SCARB1: variants seen among roughly 807,000 people sequenced by gnomAD.
SCARB1 encodes CD36 and LIMPII analogous 1.
A neutral mutation model predicts 57.2 loss-of-function variants in SCARB1; 30 were observed. The observed-to-expected ratio is 0.52, with a 90% CI of 0.39 to 0.71. SCARB1 has a LOEUF of 0.71. Ranked by LOEUF, SCARB1 falls within the 30% of genes least tolerant of loss-of-function variation. The probability of loss-of-function intolerance (pLI) is 0.00; values close to 1 mark genes in which losing one functional copy is unlikely to be tolerated. For missense variants in SCARB1, 543 were observed against 671.2 expected (o/e 0.81, Z 2.11); for synonymous variants, 249 against 268.3 (o/e 0.93, Z 0.70).
At chr12:124,815,620 C>T (rs569230232) in intron 2 of SCARB1, among the ~76,000 whole-genome samples, 1 of 152,218 alleles carries the variant, frequency 6.6e-6, no homozygotes, top group East Asian at 1.9e-4. Context: ...AAACCCAGCA[C>T]TTTGGGAGGC....
At chr12:124,863,534 G>A (rs907965123) in intron 1 of SCARB1, 61 bp downstream of exon 1, 2 of 1,557,062 alleles carry the variant, frequency 1.3e-6, no homozygotes, top group African/African-American at 1.4e-5. Flanking sequence ...GGGTCCTCCC[G>A]GCGCCCAGCG....
intron 9 of SCARB1, among the ~76,000 whole-genome samples, chr12:124,791,002 C>CT (rs2135558896): frequency 6.6e-6 from 1 of 152,366 alleles, no homozygotes. Flanking sequence ...AGCTTGCCTT[C>CT]TAAGGGTCTG....
chr12:124,811,870 C>T lies in SCARB1; in HGVS notation c.726G>A (p.Lys242=). ...GGGGCCCTCGCCTCTCGCCCCTCAC[C>T]TTGCTCAGCCCGTTCCACTTGTCCA... The part of the protein sequence containing the change: ...HLVDKWNGLS[K]VDFWHSDQCN... Residue 242 remains lysine, a splice_region_variant and synonymous_variant, in exon 5 of 13, where the codon AAG becomes AAA. Coordinates refer to ENST00000261693, the MANE Select transcript of SCARB1 (RefSeq NM_005505.5). The T allele has an allele frequency of 6.2e-7, 1 of 1,610,362 alleles. No homozygotes were observed. The highest frequency in any genetic ancestry group is 8.5e-7 in the Non-Finnish European group (1 of 1,178,296).
intron 1 of SCARB1, among the ~76,000 whole-genome samples, chr12:124,830,476 C>T (rs1217904288): frequency 6.6e-6 from 1 of 152,316 alleles, no homozygotes; most frequent in South Asian, 2.1e-4. Flanking sequence ...TGGGGACACA[C>T]TCATACCATG....
At chr12:124,859,095 G>A (rs960578466) in intron 1 of SCARB1, among the ~76,000 whole-genome samples, 1 of 151,930 alleles carries the variant, frequency 6.6e-6, no homozygotes, top group Non-Finnish European at 1.5e-5. Context: ...TGTTGCCCAC[G>A]CTAGTCTTAA....
chr12:124,795,379 C>A, intron 8 of SCARB1, 111 bp from the exon 9 acceptor site: 1 of 825,002 alleles, frequency 1.2e-6, no homozygotes, highest in East Asian at 2.5e-5. Flanking sequence ...GCTAACTGCC[C>A]AGTGGAGCTT....
Position 124,778,428 on chromosome 12 carries a change from G to A in SCARB1, c.*159C>T, listed in dbSNP as rs766660450. On this transcript the variant is annotated 3_prime_UTR_variant, in exon 13 of 13. Transcript: ENST00000261693. ...CATGTGTGTATGTGTGCCAGGGCGT[G>A]TGTGCAGGTGTGCAACAGGCACATG... 5 of 1,292,084 alleles carry A rather than the reference G, an allele frequency of 3.9e-6. No individual in the cohort carries two copies. Among genetic ancestry groups the A allele is most frequent in the Admixed American group, 4.2e-5 (1 of 23,962 alleles). 80.0% of individuals were successfully genotyped at this position (1,292,084 alleles called of 1,614,324 possible). A position where few individuals can be genotyped will look rare whatever the true frequency, so the allele number is the denominator to read the frequency against.
rs1320835621 is a variant in SCARB1 at position 124,807,644 on chromosome 12, T to A, written c.1009+117A>T. On this transcript the variant is annotated intron_variant, in intron 7 of 12. Coordinates refer to ENST00000261693, the MANE Select transcript of SCARB1 (RefSeq NM_005505.5). This position sits in a 1 kb window ranked among gnomAD's most constrained non-coding sequence, Gnocchi z 5.3. ...CTGCGGCCTCATTATCTTCGCCTAA[T>A]GGGATTATCAAGAGTACAGAGGCCA... The A allele has an allele frequency of 1.0e-6, 1 of 976,588 alleles. No homozygotes were observed. Among genetic ancestry groups the A allele is most frequent in the Non-Finnish European group, 1.5e-6 (1 of 645,640 alleles). The allele number at this position is 976,588 out of a possible 1,614,324, so 60.5% of individuals were successfully genotyped here. A position where few individuals can be genotyped will look rare whatever the true frequency, so the allele number is the denominator to read the frequency against.
chr12:124,849,119 G>A (rs575926328), intron 1 of SCARB1, among the ~76,000 whole-genome samples: 2 of 152,334 alleles, frequency 1.3e-5, no homozygotes, highest in Admixed American at 6.5e-5. Flanking sequence ...ACTGGGAAGT[G>A]GCCAAGCCAG....
chr12:124,854,921 TG>T (rs2135843485), intron 1 of SCARB1, among the ~76,000 whole-genome samples: 1 of 152,054 alleles, frequency 6.6e-6, no homozygotes, highest in Admixed American at 6.5e-5. Context: ...GATACCAATT[TG>T]GGAGTGGTCA....
chr12:124,835,365 C>G (rs181249511), intron 1 of SCARB1, among the ~76,000 whole-genome samples: 33 of 152,078 alleles, frequency 2.2e-4, no homozygotes, highest in African/African-American at 6.3e-4. Context: ...CTCAAACCAT[C>G]TTCCTGCCTC....
rs150862420 is a variant in SCARB1 at position 124,798,811 on chromosome 12, T to C, written c.1128+1313A>G. 5.0e-4 allele frequency among the ~76,000 whole-genome samples: 74 copies of C among 147,734 alleles called. 2 individuals carry two copies. The East Asian group carries it at 8.7e-3, about 17-fold the overall frequency. On this transcript the variant is annotated intron_variant, in intron 8 of 12. Coordinates refer to ENST00000261693, the MANE Select transcript of SCARB1 (RefSeq NM_005505.5). The stretch of plus-strand genomic sequence containing the variant: ...GTGAGCCGAGATCGTGCCACTGCAC[T>C]CCAGCCTGGGTAACCAGAGTGAAAC...
chr12:124,809,963 C>G (rs1241661993), intron 6 of SCARB1, among the ~76,000 whole-genome samples: 1 of 152,224 alleles, frequency 6.6e-6, no homozygotes, highest in African/African-American at 2.4e-5. Flanking sequence ...TGCAAACCAC[C>G]ACCAGCAGCC....
At chr12:124,837,990 G>T (rs901784578) in intron 1 of SCARB1, among the ~76,000 whole-genome samples, 1 of 152,226 alleles carries the variant, frequency 6.6e-6, no homozygotes, top group Non-Finnish European at 1.5e-5. Flanking sequence ...TTCACATTTT[G>T]GTGTTCATAA....
rs183807968 is a variant in SCARB1 at position 124,803,596 on chromosome 12, T to C, written c.1010-3354A>G. Among the ~76,000 whole-genome samples, 5 of 140,076 alleles carry C rather than the reference T, an allele frequency of 3.6e-5. No homozygotes were observed. In the East Asian group the frequency reaches 1.1e-3, roughly 30 times the overall value. 91.9% of individuals were successfully genotyped at this position (140,076 alleles called of 152,430 possible). ...AAACAAAGCAAAAAACCCCAAAAAC[T>C]GCATGAGTCATCTGGGAACTTCTTT... On this transcript the variant is annotated intron_variant, in intron 7 of 12. Transcript: ENST00000261693.
intron 8 of SCARB1, 140 bp from the exon 9 acceptor site, chr12:124,795,408 A>C: frequency 1.5e-6 from 1 of 665,432 alleles, no homozygotes. Context: ...CTTACCTAAA[A>C]CAAGCCACAG....
At chr12:124,830,979 ATTTTTT>A (rs34543026) in intron 1 of SCARB1, among the ~76,000 whole-genome samples, 3 of 137,876 alleles carry the variant, frequency 2.2e-5, no homozygotes, top group Non-Finnish European at 3.1e-5. Context: ...TGCCCAGCTG[ATTTTTT>A]TTTTTTTTTA....
rs893210089 is a variant in SCARB1 at position 124,810,658 on chromosome 12, G to A, written c.727-369C>T. 1.3e-5 allele frequency among the ~76,000 whole-genome samples: 2 copies of A among 152,138 alleles called. No homozygotes were observed. Among genetic ancestry groups the A allele is most frequent in the Admixed American group, 6.5e-5 (1 of 15,270 alleles). On this transcript the variant is annotated intron_variant, in intron 5 of 12. Transcript: ENST00000261693. This position sits in a 1 kb window ranked among gnomAD's most constrained non-coding sequence, Gnocchi z 4.0. ...CAACAGGCACCTCCTGAAAACAATC[G>A]GCACACAGGCAAACTACTTAAAATC...
At chr12:124,836,071 C>A (rs1427923487) in intron 1 of SCARB1, among the ~76,000 whole-genome samples, 1 of 152,218 alleles carries the variant, frequency 6.6e-6, no homozygotes, top group Non-Finnish European at 1.5e-5. Context: ...TTCAACCCTG[C>A]CTGAGCATCC....
Sources: gnomAD v4.1 joint callset for allele counts (sites outside exome capture counted in the v4.1 genomes callset) on GRCh38, gnomAD v4.1.1 for gene constraint, Gnocchi (gnomAD v3.1) non-coding constraint, MANE v1.5 for transcripts, NCBI Gene and HGNC (gene_info 2026-07-23, HGNC 2026-07-21) for gene names.